INPP4B: variants seen among roughly 807,000 people sequenced by gnomAD.
INPP4B encodes the protein inositol polyphosphate-4-phosphatase type II B.
In INPP4B, 55 loss-of-function variants were observed where a neutral mutation model predicts 122.5. The observed-to-expected ratio is 0.45, with a 90% confidence interval of 0.36 to 0.56. The LOEUF (loss-of-function observed/expected upper bound fraction) is 0.56. Ranked by LOEUF, INPP4B falls within the 20% of genes least tolerant of loss-of-function variation. INPP4B has a pLI of 0.00. For missense variants in INPP4B, 1,000 were observed against 1,097.7 expected (o/e 0.91, Z 1.26); for synonymous variants, 403 against 388.7 (o/e 1.04, Z -0.43).
intron 1 of INPP4B, among the ~76,000 whole-genome samples, chr4:142,813,167 T>C (rs1779724075): frequency 6.6e-6 from 1 of 152,206 alleles, no homozygotes; most frequent in Admixed American, 6.5e-5. Flanking sequence ...GTACTGTTGA[T>C]ATCCCAAGCC....
intron 23 of INPP4B, among the ~76,000 whole-genome samples, chr4:142,089,903 A>T (rs1395434514): frequency 6.6e-6 from 1 of 152,164 alleles, no homozygotes; most frequent in Non-Finnish European, 1.5e-5. Flanking sequence ...TTTTTCACAA[A>T]GTTCATAGTC....
chr4:142,222,107 G>A (rs552897933), intron 12 of INPP4B, among the ~76,000 whole-genome samples: 1 of 152,216 alleles, frequency 6.6e-6, no homozygotes, highest in East Asian at 1.9e-4. Context: ...TTACAGGTGG[G>A]TGCCACCACA....
At chr4:142,414,474 TC>T (rs769430996) in intron 5 of INPP4B, among the ~76,000 whole-genome samples, 59 of 152,264 alleles carry the variant, frequency 3.9e-4, no homozygotes, top group African/African-American at 1.3e-3. Context: ...TGGGAAATGC[TC>T]TTGGATTGTC....
At chr4:142,239,670 T>A (rs1184274295) in intron 11 of INPP4B, among the ~76,000 whole-genome samples, 4 of 152,156 alleles carry the variant, frequency 2.6e-5, no homozygotes, top group Non-Finnish European at 5.9e-5. Flanking sequence ...AAAAAATATG[T>A]ACTAAATTTA....
intron 12 of INPP4B, among the ~76,000 whole-genome samples, chr4:142,212,069 G>T (rs1358989911): frequency 6.6e-6 from 1 of 152,078 alleles, no homozygotes; most frequent in Non-Finnish European, 1.5e-5. Flanking sequence ...TTAGGATTTA[G>T]CCAATGTAGA....
chr4:142,364,348 C>T (rs898934664), intron 7 of INPP4B, among the ~76,000 whole-genome samples: 1 of 151,924 alleles, frequency 6.6e-6, no homozygotes, highest in Non-Finnish European at 1.5e-5. Context: ...AGAAAGAAGA[C>T]TTTGAAGAGG....
rs1578852190 is a variant in INPP4B, at chr4:142,086,322, G to A, written c.2375-66C>T. ...GTGTTCACATTAAGCTGCCCATGGA[G>A]GTTTTTTCAATACATTTATTTGCAA... On this transcript the variant is annotated intron_variant, in intron 23 of 25. Coordinates refer to ENST00000262992, the MANE Select transcript of INPP4B (RefSeq NM_001101669.3). 1.6e-5 allele frequency: 14 copies of A among 854,926 alleles called. No individual in the cohort carries two copies. In the East Asian group the frequency reaches 3.5e-4, roughly 21 times the overall value. The allele number at this position is 854,926 out of a possible 1,614,324, so 53.0% of individuals were successfully genotyped here. A position where few individuals can be genotyped will look rare whatever the true frequency, so the allele number is the denominator to read the frequency against.
intron 1 of INPP4B, among the ~76,000 whole-genome samples, chr4:142,782,359 C>T (rs1774990034): frequency 6.6e-6 from 1 of 150,826 alleles, no homozygotes; most frequent in African/African-American, 2.4e-5. Flanking sequence ...ATATGTGCCA[C>T]ATTTTCTTAA....
At chr4:142,485,502 G>A (rs1306212370) in intron 2 of INPP4B, among the ~76,000 whole-genome samples, 1 of 152,132 alleles carries the variant, frequency 6.6e-6, no homozygotes, top group South Asian at 2.1e-4. Context: ...ATAGTTCAGA[G>A]ACTCTATCTA....
intron 14 of INPP4B, among the ~76,000 whole-genome samples, chr4:142,201,891 C>A (rs1840771944): frequency 6.6e-6 from 1 of 151,868 alleles, no homozygotes; most frequent in Admixed American, 6.6e-5. Flanking sequence ...ATATCCTATT[C>A]TTTATGTATC....
intron 12 of INPP4B, among the ~76,000 whole-genome samples, chr4:142,221,088 G>A (rs1180390758): frequency 6.6e-6 from 1 of 151,988 alleles, no homozygotes; most frequent in Non-Finnish European, 1.5e-5. Flanking sequence ...TATGCTGTGT[G>A]GACTCTCTAT....
chr4:142,141,104 C>T (rs1807565614), intron 18 of INPP4B, among the ~76,000 whole-genome samples: 1 of 152,088 alleles, frequency 6.6e-6, no homozygotes, highest in Admixed American at 6.5e-5. Flanking sequence ...TTCAGATACA[C>T]CTTAGGCTTA....
intron 2 of INPP4B, among the ~76,000 whole-genome samples, chr4:142,569,747 G>A (rs1732414179): frequency 9.9e-5 from 15 of 152,054 alleles, no homozygotes; most frequent in Admixed American, 9.2e-4. Context: ...CATTGAATTT[G>A]TGCTTTCTTC....
intron 23 of INPP4B, among the ~76,000 whole-genome samples, chr4:142,093,702 T>C (rs336296): frequency 0.64 from 96,851 of 152,016 alleles, 32,700 homozygotes; most frequent in Non-Finnish European, 0.75. Flanking sequence ...TCTTGAAAAA[T>C]AAGAACAGAC....
intron 2 of INPP4B, among the ~76,000 whole-genome samples, chr4:142,484,802 C>T (rs1821010160): frequency 6.6e-6 from 1 of 151,976 alleles, no homozygotes; most frequent in Non-Finnish European, 1.5e-5. Flanking sequence ...GTGTTATTCC[C>T]CTCTATGTGT....
At chr4:142,652,021 C>T (rs1374948657) in intron 2 of INPP4B, among the ~76,000 whole-genome samples, 2 of 152,210 alleles carry the variant, frequency 1.3e-5, no homozygotes, top group Non-Finnish European at 2.9e-5. Flanking sequence ...GCTTATCCAC[C>T]ACTATCAGGT....
intron 2 of INPP4B, among the ~76,000 whole-genome samples, chr4:142,695,940 G>C (rs774951404): frequency 9.2e-5 from 14 of 152,108 alleles, no homozygotes; most frequent in Non-Finnish European, 1.9e-4. Context: ...GGATCTCAAG[G>C]GAAAGGCGGG....
At chr4:142,784,220 G>C (rs748246767) in intron 1 of INPP4B, among the ~76,000 whole-genome samples, 1 of 151,790 alleles carries the variant, frequency 6.6e-6, no homozygotes, top group African/African-American at 2.4e-5. Context: ...AAAATTAGCC[G>C]GGCGTGGTGG....
chr4:142,127,408 A>G (rs1799110355), intron 18 of INPP4B, among the ~76,000 whole-genome samples: 1 of 152,094 alleles, frequency 6.6e-6, no homozygotes, highest in South Asian at 2.1e-4. Flanking sequence ...TGCTTTATTC[A>G]CTTCCATCTT....
Sources: allele counts gnomAD v4.1 joint callset (sites outside exome capture counted in the v4.1 genomes callset), GRCh38; gene constraint gnomAD v4.1.1; transcripts MANE v1.5; gene names NCBI Gene and HGNC (gene_info 2026-07-23, HGNC 2026-07-21).